The following EGFLAM variants were observed in gnomAD, a reference collection of about 807,000 sequenced individuals.
EGFLAM encodes pikachurin.
EGFLAM carries 79 observed loss-of-function variants against 113.1 expected under a neutral mutation model. The ratio of observed to expected loss-of-function variants is 0.70; its 90% confidence interval spans 0.58 to 0.84. The LOEUF (loss-of-function observed/expected upper bound fraction) is 0.84. Among genes scored for constraint, EGFLAM ranks in the 40% least tolerant of loss-of-function variants. The pLI is 0.00. For missense variants in EGFLAM, 1,265 were observed against 1,291.6 expected (o/e 0.98, Z 0.32); for synonymous variants, 504 against 487.6 (o/e 1.03, Z -0.44).
chr5:38,445,411 T>G, intron 17 of EGFLAM: 5 of 1,246,714 alleles, frequency 4.0e-6, no homozygotes, highest in Non-Finnish European at 5.2e-6. Flanking sequence ...AAACATCTTC[T>G]TGGTCCACCG....
intron 1 of EGFLAM, among the ~76,000 whole-genome samples, chr5:38,292,795 A>G (rs1383644390): frequency 6.6e-6 from 1 of 152,140 alleles, no homozygotes; most frequent in East Asian, 1.9e-4. Context: ...TTTTGTGGCA[A>G]TGTTGGAAGG....
At chr5:38,345,690 G>A (rs1371661718) in intron 3 of EGFLAM, 2 of 152,226 alleles carry the variant, frequency 1.3e-5, no homozygotes, top group Middle Eastern at 3.2e-3. Flanking sequence ...GTGTAGAAAT[G>A]AAGTGCAGGA....
chr5:38,403,818 A>G (rs1459736596), intron 6 of EGFLAM: 1 of 1,613,460 alleles, frequency 6.2e-7, no homozygotes, highest in East Asian at 2.2e-5. Context: ...AGCTGTCCTC[A>G]AGGGCCTTTT....
rs1411743244 is a variant in EGFLAM at position 38,425,082 on chromosome 5, CTG to C, written c.1803_1804del (p.Cys601Ter). On this transcript the variant is annotated frameshift_variant, in exon 13 of 22. Transcript: ENST00000322350. LOFTEE classifies it high-confidence loss of function. Reference sequence around the variant, plus strand: ...GTCCCCTTGGGTTTAAAGGTCGACACTGTGAAGATGGTGAGAAAGAAGCAAGT... The same window carrying C: ...GTCCCCTTGGGTTTAAAGGTCGACACTGAAGATGGTGAGAAAGAAGCAAGT... ...LCPLGFKGRH[C>X]EDAFTLTIPQ... The C allele has an allele frequency of 3.1e-6, 5 of 1,613,584 alleles. No individual in the cohort carries two copies. The highest frequency in any genetic ancestry group is 4.2e-6 in the Non-Finnish European group (5 of 1,179,800).
intron 3 of EGFLAM, chr5:38,345,780 G>T (rs1010265354): frequency 6.6e-6 from 1 of 152,240 alleles, no homozygotes; most frequent in Non-Finnish European, 1.5e-5. Context: ...ACTTTGAAAA[G>T]AGCATGTTCA....
intron 5 of EGFLAM, among the ~76,000 whole-genome samples, chr5:38,355,197 G>T (rs1739734994): frequency 6.6e-6 from 1 of 152,122 alleles, no homozygotes; most frequent in African/African-American, 2.4e-5. Flanking sequence ...TCTTCACTGG[G>T]GTCTTGATTC....
chr5:38,406,226 TATTTCCTTTGAG>T lies in EGFLAM; in HGVS notation c.814_825del (p.Ile272_Glu275del). The stretch of plus-strand genomic sequence containing the variant: ...GATTTGAAGACGACTTAGATTTGGA[TATTTCCTTTGAG>T]GAGGTAACAATAATCTCTGCTCTTA... On this transcript the variant is annotated inframe_deletion, in exon 7 of 22. Transcript: ENST00000322350. The T allele has an allele frequency of 6.2e-7, 1 of 1,614,128 alleles. No homozygotes were observed. The highest frequency in any genetic ancestry group is 1.7e-5 in the Admixed American group (1 of 60,014).
At chr5:38,388,627 G>C (rs543681933) in intron 6 of EGFLAM, among the ~76,000 whole-genome samples, 1 of 151,558 alleles carries the variant, frequency 6.6e-6, no homozygotes, top group Non-Finnish European at 1.5e-5. Flanking sequence ...CGGCATGGTG[G>C]CACATGCCTG....
chr5:38,423,307 A>C (rs922358702), intron 12 of EGFLAM, among the ~76,000 whole-genome samples: 1 of 151,980 alleles, frequency 6.6e-6, no homozygotes, highest in South Asian at 2.1e-4. Flanking sequence ...CACTCCCTAT[A>C]GGAGTTTTTT....
intron 14 of EGFLAM, among the ~76,000 whole-genome samples, chr5:38,428,067 A>G (rs992660428): frequency 1.3e-5 from 2 of 152,218 alleles, no homozygotes; most frequent in Non-Finnish European, 2.9e-5. Context: ...CACTAATCGC[A>G]TGCAGACATG....
intron 16 of EGFLAM, among the ~76,000 whole-genome samples, chr5:38,436,840 C>G (rs1016952018): frequency 7.9e-5 from 12 of 152,200 alleles, no homozygotes; most frequent in Non-Finnish European, 5.9e-5. Context: ...GTAGAAGGAT[C>G]CTGGCTACTT....
At chr5:38,347,475 G>A (rs1488941631) in intron 3 of EGFLAM, among the ~76,000 whole-genome samples, 2 of 152,192 alleles carry the variant, frequency 1.3e-5, no homozygotes, top group East Asian at 3.9e-4. Context: ...CCTAGAGGAG[G>A]GGCACCTAAC....
At position 38,370,384 on chromosome 5, in the gene EGFLAM, T is replaced by A. The variant is rs770673831; in HGVS notation, c.634T>A (p.Tyr212Asn). 6 of 1,614,070 alleles carry A rather than the reference T, an allele frequency of 3.7e-6. No homozygotes were observed. Among genetic ancestry groups the A allele is most frequent in the Admixed American group, 1.7e-5 (1 of 59,998 alleles). The change falls in exon 6 of 22, where the codon TAC (tyrosine) becomes AAC (asparagine). Residue 212 changes from tyrosine to asparagine, a missense_variant. Transcript: ENST00000322350. ...CAAGGGCCTCGATCCAGATACCAACTACCAGTTTGCCGTGAGGGCAATGAA... is the reference window on the plus strand; with the variant it reads ...CAAGGGCCTCGATCCAGATACCAACAACCAGTTTGCCGTGAGGGCAATGAA... ...VIKGLDPDTN[Y>N]QFAVRAMNSH...
intron 19 of EGFLAM, 126 bp downstream of exon 19, chr5:38,451,584 C>T: frequency 7.3e-7 from 1 of 1,376,310 alleles, no homozygotes; most frequent in Non-Finnish European, 9.8e-7. Flanking sequence ...CCTGAAGCTT[C>T]AAGGCTTATT....
rs537199290 is a variant in EGFLAM at position 38,392,302 on chromosome 5, G to A, written c.713-13824G>A. 5.3e-5 allele frequency among the ~76,000 whole-genome samples: 8 copies of A among 152,200 alleles called. No homozygotes were observed. In the South Asian group the frequency reaches 1.5e-3, roughly 28 times the overall value. ...AAGACATGATCTTATTCTTTTTTAG[G>A]ACTGCATAGTATTCCATGATGTATA... On this transcript the variant is annotated intron_variant, in intron 6 of 21. Coordinates refer to ENST00000322350, the MANE Select transcript of EGFLAM (RefSeq NM_152403.4).
intron 5 of EGFLAM, among the ~76,000 whole-genome samples, chr5:38,355,752 G>A (rs537581130): frequency 1.3e-5 from 2 of 152,260 alleles, no homozygotes; most frequent in East Asian, 3.9e-4. Context: ...GGGGCTCAAG[G>A]TCTCAAATTC....
intron 3 of EGFLAM, chr5:38,346,622 T>C (rs1739478606): frequency 6.6e-6 from 1 of 152,236 alleles, no homozygotes; most frequent in East Asian, 1.9e-4. Context: ...ATATCTACAA[T>C]ACTGTCTGAA....
At chr5:38,328,040 G>A (rs542664914) in intron 1 of EGFLAM, among the ~76,000 whole-genome samples, 5 of 152,258 alleles carry the variant, frequency 3.3e-5, no homozygotes, top group East Asian at 1.9e-4. Flanking sequence ...GTATTAGTCC[G>A]TTCTCGCACT....
chr5:38,319,863 C>A (rs1561276547), intron 1 of EGFLAM, among the ~76,000 whole-genome samples: 1 of 152,328 alleles, frequency 6.6e-6, no homozygotes, highest in South Asian at 2.1e-4. Context: ...CATGTCAGGG[C>A]CACCTCAGGA....
Sources: allele counts gnomAD v4.1 joint callset (sites outside exome capture counted in the v4.1 genomes callset), GRCh38; gene constraint gnomAD v4.1.1; transcripts MANE v1.5; gene names NCBI Gene and HGNC (gene_info 2026-07-23, HGNC 2026-07-21).